PRKCH: variants seen among roughly 807,000 people sequenced by gnomAD.
PRKCH encodes the protein protein kinase C eta, also known as protein kinase C eta type.
In PRKCH, 28 loss-of-function variants were observed where a neutral mutation model predicts 82.5. The ratio of observed to expected loss-of-function variants is 0.34; its 90% CI spans 0.25 to 0.47. The LOEUF is 0.47. Ranked by LOEUF, PRKCH falls within the 20% of genes least tolerant of loss-of-function variation. PRKCH has a pLI of 1.00. For missense variants in PRKCH, 705 were observed against 881.8 expected (o/e 0.80, Z 2.54); for synonymous variants, 322 against 327.4 (o/e 0.98, Z 0.18).
At chr14:61,394,259 C>T (rs2046733305) in intron 2 of PRKCH, among the ~76,000 whole-genome samples, 2 of 43,700 alleles carry the variant, frequency 4.6e-5, no homozygotes, top group Non-Finnish European at 1.5e-4. Flanking sequence ...ACCTAGAATA[C>T]TTGACATAAA....
At chr14:61,508,468 A>G (rs1303592062) in intron 10 of PRKCH, among the ~76,000 whole-genome samples, 1 of 152,164 alleles carries the variant, frequency 6.6e-6, no homozygotes, top group Non-Finnish European at 1.5e-5. Flanking sequence ...TATTAAGGCC[A>G]TCTTACTGAC....
intron 1 of PRKCH, among the ~76,000 whole-genome samples, chr14:61,300,555 A>C (rs1024395983): frequency 1.3e-5 from 2 of 152,222 alleles, no homozygotes; most frequent in African/African-American, 4.8e-5. Context: ...ACTGGGAGAC[A>C]AGGGAACAGA....
intron 10 of PRKCH, among the ~76,000 whole-genome samples, chr14:61,514,401 A>G (rs768754450): frequency 2.2e-4 from 34 of 151,462 alleles, no homozygotes; most frequent in African/African-American, 6.8e-4. Flanking sequence ...GCAAATTGTT[A>G]TCTCTTGGAA....
At chr14:61,415,749 C>T (rs1379283949) in intron 2 of PRKCH, among the ~76,000 whole-genome samples, 1 of 152,182 alleles carries the variant, frequency 6.6e-6, no homozygotes, top group Admixed American at 6.5e-5. Context: ...GGTACACTCA[C>T]ATTATTGTAA....
intron 12 of PRKCH, among the ~76,000 whole-genome samples, chr14:61,531,373 C>T (rs1389759470): frequency 6.6e-6 from 1 of 152,166 alleles, no homozygotes; most frequent in Non-Finnish European, 1.5e-5. Context: ...AGGGATAAAT[C>T]AGAACAATCT....
At chr14:61,191,548 C>CT (rs1388878729) in intron 1 of PRKCH, among the ~76,000 whole-genome samples, 1 of 152,120 alleles carries the variant, frequency 6.6e-6, no homozygotes, top group African/African-American at 2.4e-5. Flanking sequence ...TGGTGCACAC[C>CT]TGTAATCCCA....
At chr14:61,294,438 A>G (rs1033029358) in intron 1 of PRKCH, among the ~76,000 whole-genome samples, 6 of 151,882 alleles carry the variant, frequency 4.0e-5, no homozygotes, top group Non-Finnish European at 8.8e-5. Flanking sequence ...TTAGATTTTT[A>G]TTTAAATTTT....
intron 1 of PRKCH, among the ~76,000 whole-genome samples, chr14:61,353,026 A>G (rs2046103028): frequency 2.6e-5 from 4 of 152,226 alleles, no homozygotes; most frequent in Admixed American, 2.6e-4. Flanking sequence ...TATTCACACT[A>G]AGTGGGGTAA....
intron 10 of PRKCH, among the ~76,000 whole-genome samples, chr14:61,511,202 A>G (rs1320234797): frequency 6.6e-6 from 1 of 152,182 alleles, no homozygotes; most frequent in Non-Finnish European, 1.5e-5. Flanking sequence ...TGGCACTAGC[A>G]AGTGGGATCA....
intron 10 of PRKCH, among the ~76,000 whole-genome samples, chr14:61,500,379 T>G (rs1158283212): frequency 1.3e-5 from 2 of 151,856 alleles, no homozygotes; most frequent in African/African-American, 4.8e-5. Flanking sequence ...TGTAATATTT[T>G]TAGAGATGGG....
At chr14:61,499,422 C>G (rs1311031618) in intron 10 of PRKCH, among the ~76,000 whole-genome samples, 1 of 152,108 alleles carries the variant, frequency 6.6e-6, no homozygotes, top group African/African-American at 2.4e-5. Flanking sequence ...CCCTGGAGAA[C>G]AGTGTCCTGG....
intron 1 of PRKCH, among the ~76,000 whole-genome samples, chr14:61,364,285 A>G (rs1594948509): frequency 6.6e-6 from 1 of 151,602 alleles, no homozygotes; most frequent in Admixed American, 6.6e-5. Flanking sequence ...GAGAATGGAG[A>G]CTGTTTGGAA....
intron 2 of PRKCH, among the ~76,000 whole-genome samples, chr14:61,405,235 A>T (rs1881874330): frequency 6.6e-6 from 1 of 152,228 alleles, no homozygotes; most frequent in African/African-American, 2.4e-5. Context: ...ACTGTCTGGA[A>T]ATCTATAACA....
intron 1 of PRKCH, among the ~76,000 whole-genome samples, chr14:61,379,810 T>C (rs139245080): frequency 6.6e-6 from 1 of 152,192 alleles, no homozygotes; most frequent in African/African-American, 2.4e-5. Context: ...TAGTACCTCT[T>C]CCTAGTAAGG....
At chr14:61,528,897 G>A (rs1235198048) in intron 10 of PRKCH, 178 bp from the exon 11 acceptor site, 1 of 497,784 alleles carries the variant, frequency 2.0e-6, no homozygotes, top group Non-Finnish European at 3.3e-6. Flanking sequence ...ATCTAAATGT[G>A]TCATCCAGAT....
chr14:61,385,564 T>C (rs1403215658), intron 1 of PRKCH, among the ~76,000 whole-genome samples: 1 of 152,186 alleles, frequency 6.6e-6, no homozygotes, highest in Non-Finnish European at 1.5e-5. Flanking sequence ...GCACTGTCAC[T>C]GTCAAGATCA....
intron 10 of PRKCH, among the ~76,000 whole-genome samples, chr14:61,493,818 A>G (rs1161836762): frequency 1.3e-5 from 2 of 151,870 alleles, no homozygotes; most frequent in African/African-American, 4.8e-5. Flanking sequence ...CCAAGTAACA[A>G]GATAATGAGG....
chr14:61,425,069 C>A (rs1184144233), intron 2 of PRKCH, among the ~76,000 whole-genome samples: 3 of 152,224 alleles, frequency 2.0e-5, no homozygotes, highest in South Asian at 2.1e-4. Flanking sequence ...ATGGAAATAC[C>A]TGGATGTCCA....
intron 1 of PRKCH, among the ~76,000 whole-genome samples, chr14:61,234,275 A>G (rs777220441): frequency 2.0e-5 from 3 of 152,192 alleles, no homozygotes; most frequent in Non-Finnish European, 2.9e-5. Flanking sequence ...TGTTTCCAGT[A>G]CTTGTTATTA....
Sources: allele counts gnomAD v4.1 joint callset (sites outside exome capture counted in the v4.1 genomes callset), GRCh38; gene constraint gnomAD v4.1.1; transcripts MANE v1.5; gene names NCBI Gene and HGNC (gene_info 2026-07-23, HGNC 2026-07-21).